SLFN12: variants seen among roughly 807,000 people sequenced by gnomAD.
SLFN12 encodes the protein schlafen family member 12.
SLFN12 carries 25 observed loss-of-function variants against 29.1 expected under a neutral mutation model. That is an observed-to-expected ratio of 0.86 (90% CI 0.63 to 1.20). SLFN12 has a LOEUF of 1.20. SLFN12 is among the 50% of genes most tolerant of loss of function. The probability of loss-of-function intolerance (pLI) is 0.00; values close to 1 mark genes in which losing one functional copy is unlikely to be tolerated. For synonymous variants in SLFN12, 257 were observed against 238.7 expected (o/e 1.08, Z -0.71); for missense variants, 660 against 666.2 (o/e 0.99, Z 0.10).
chr17:35,418,528 G>A (rs1233353980), intron 3 of SLFN12, among the ~76,000 whole-genome samples: 2 of 151,898 alleles, frequency 1.3e-5, no homozygotes, highest in African/African-American at 4.8e-5. Context: ...TTTATTGTAA[G>A]AATATAGTAT....
chr17:35,418,685 ACC>A (rs1491429377), intron 3 of SLFN12, among the ~76,000 whole-genome samples: 15,213 of 152,058 alleles, frequency 0.1, 2,396 homozygotes, highest in African/African-American at 0.34. Context: ...TTTCGACTGC[ACC>A]TTTTGTTCAA....
rs1263568094 is a variant in SLFN12, at chr17:35,422,205, T to C, written c.824A>G (p.His275Arg). The C allele has an allele frequency of 3.1e-6, 5 of 1,614,162 alleles. No individual in the cohort carries two copies. In the Middle Eastern group the frequency reaches 4.9e-4, roughly 160 times the overall value. ...TATCTTCTTCTTCTCCATACAGAAG[T>C]GATGCACAGGCATCTTCCTAATGGA... ...EKSIRKMPVHHFCMEKKKINY... is the reference protein window; with the variant it reads ...EKSIRKMPVHRFCMEKKKINY... The change falls in exon 2 of 4, where the codon CAC becomes CGC. Residue 275 changes from histidine (H) to arginine (R), a missense_variant. Physicochemically the swap from His to Arg is conservative, Grantham distance 29. Transcript: ENST00000304905.
At chr17:35,423,789 G>A (rs2142044578) in intron 1 of SLFN12, among the ~76,000 whole-genome samples, 1 of 152,226 alleles carries the variant, frequency 6.6e-6, no homozygotes, top group Admixed American at 6.5e-5. Context: ...GAAGTGATCA[G>A]GTTATGAGGG....
At chr17:35,413,003 T>C (rs924893271) in intron 3 of SLFN12, among the ~76,000 whole-genome samples, 1 of 149,318 alleles carries the variant, frequency 6.7e-6, no homozygotes, top group Non-Finnish European at 1.5e-5. Flanking sequence ...AGACAGAGCA[T>C]AGCAGAAAAC....
intron 3 of SLFN12, among the ~76,000 whole-genome samples, chr17:35,416,142 G>A (rs949911722): frequency 2.0e-5 from 3 of 151,916 alleles, no homozygotes; most frequent in Admixed American, 6.6e-5. Context: ...AAGAAAATGT[G>A]GTATATATAC....
At chr17:35,427,826 G>T (rs1401353821) in intron 1 of SLFN12, among the ~76,000 whole-genome samples, 2 of 151,928 alleles carry the variant, frequency 1.3e-5, no homozygotes, top group African/African-American at 2.4e-5. Context: ...TCAATGTTTG[G>T]GTATGCTAAT....
chr17:35,422,604 G>C lies in SLFN12; in HGVS notation c.425C>G (p.Ala142Gly). The change falls in exon 2 of 4, where the codon GCA (alanine) becomes GGA (glycine). Residue 142 changes from alanine (A) to glycine (G), a missense_variant. Coordinates refer to ENST00000304905, the MANE Select transcript of SLFN12 (RefSeq NM_018042.5). ...TSAKVMNATAALEFLKDMKKT... is the reference protein window; with the variant it reads ...TSAKVMNATAGLEFLKDMKKT... ...TTTCATGTCTTTGAGGAACTCCAGT[G>C]CAGCAGTGGCATTCATGACTTTTGC... The C allele has an allele frequency of 6.2e-7, 1 of 1,613,952 alleles. No individual in the cohort carries two copies. Among genetic ancestry groups the C allele is most frequent in the Non-Finnish European group, 8.5e-7 (1 of 1,179,976 alleles).
At chr17:35,426,577 A>G (rs1912032265) in intron 1 of SLFN12, among the ~76,000 whole-genome samples, 1 of 152,066 alleles carries the variant, frequency 6.6e-6, no homozygotes, top group Non-Finnish European at 1.5e-5. Flanking sequence ...TTCCTCAGAG[A>G]TGTGTTCTGC....
Position 35,411,110 on chromosome 17 carries a change from G to A in SLFN12, c.*228C>T, listed in dbSNP as rs1438475469. On this transcript the variant is annotated 3_prime_UTR_variant, in exon 4 of 4. Transcript: ENST00000304905. ...AATTTATTCAGGAACTACAGACAGA[G>A]TAAATAATACTGTGCACAGACGAGT... 1.9e-5 allele frequency: 6 copies of A among 324,054 alleles called. No individual in the cohort carries two copies. 20.1% of individuals were successfully genotyped at this position (324,054 alleles called of 1,614,324 possible). A position where few individuals can be genotyped will look rare whatever the true frequency, so the allele number is the denominator to read the frequency against.
chr17:35,412,747 G>A (rs1423592688), intron 3 of SLFN12, among the ~76,000 whole-genome samples: 6 of 151,942 alleles, frequency 3.9e-5, no homozygotes, highest in South Asian at 2.1e-4. Context: ...TAGAAAACAG[G>A]AGAAAAATCA....
chr17:35,421,298 G>C (rs1401377856), intron 2 of SLFN12, among the ~76,000 whole-genome samples: 2 of 151,370 alleles, frequency 1.3e-5, no homozygotes, highest in African/African-American at 4.8e-5. Flanking sequence ...GTAAGTAAAA[G>C]AGGCAAATGT....
chr17:35,422,881 C>T lies in SLFN12; in HGVS notation c.148G>A (p.Ala50Thr). 6.2e-7 allele frequency: 1 copy of T among 1,613,988 alleles called. No homozygotes were observed. Among genetic ancestry groups the T allele is most frequent in the South Asian group, 1.1e-5 (1 of 91,082 alleles). Reference sequence around the variant, plus strand: ...ACTCCCCCTCCAGAATTGAGCAGAGCACACATAGCTCGTGAGACACTTTCA... The same window carrying T: ...ACTCCCCCTCCAGAATTGAGCAGAGTACACATAGCTCGTGAGACACTTTCA... ...QNESVSRAMC[A>T]LLNSGGGVIK... The change falls in exon 2 of 4, where the codon GCT becomes ACT. Residue 50 changes from alanine (A) to threonine (T), a missense_variant. Physicochemically the swap from Ala to Thr is moderately conservative, Grantham distance 58 (BLOSUM62 0). Transcript: ENST00000304905.
rs1277265582 is a variant in SLFN12, at chr17:35,420,348, T to C, written c.1073A>G (p.Gln358Arg). The change falls in exon 3 of 4, where the codon CAA (glutamine) becomes CGA (arginine). Residue 358 changes from glutamine (Q) to arginine (R), a missense_variant. Transcript: ENST00000304905. ...FSSSYEEVIS[Q>R]INTSLPAPHS... ...GGGAGCAGGTAATGACGTATTTATT[T>C]GAGAGATCACCTCTTCATATGAACT... The C allele has an allele frequency of 6.2e-7, 1 of 1,613,794 alleles. No individual in the cohort carries two copies. Among genetic ancestry groups the C allele is most frequent in the South Asian group, 1.1e-5 (1 of 91,068 alleles).
chr17:35,417,553 G>C (rs531357150), intron 3 of SLFN12, among the ~76,000 whole-genome samples: 1 of 151,980 alleles, frequency 6.6e-6, no homozygotes, highest in South Asian at 2.1e-4. Context: ...AATTTAAATG[G>C]GAAAGCCATA....
intron 1 of SLFN12, among the ~76,000 whole-genome samples, chr17:35,424,159 CTTAAGTTTAACTTTTTT>C (rs971759185): frequency 1.1e-4 from 16 of 152,214 alleles, no homozygotes; most frequent in African/African-American, 3.6e-4. Context: ...AGAAGTGTAA[CTTAAGTTTAACTTTTTT>C]TTAAGTGTAA....
intron 1 of SLFN12, 103 bp downstream of exon 1, chr17:35,432,085 A>T (rs1912351989): frequency 6.6e-6 from 1 of 152,290 alleles, no homozygotes; most frequent in South Asian, 2.1e-4. Context: ...CTACCCACCA[A>T]GGATCCCACG....
At chr17:35,417,134 T>C (rs1282025728) in intron 3 of SLFN12, among the ~76,000 whole-genome samples, 1 of 152,082 alleles carries the variant, frequency 6.6e-6, no homozygotes, top group Non-Finnish European at 1.5e-5. Flanking sequence ...TTGTCACTCA[T>C]GGATTTAGAT....
Position 35,411,232 on chromosome 17 carries a change from T to C in SLFN12, c.*106A>G. On this transcript the variant is annotated 3_prime_UTR_variant, in exon 4 of 4. Transcript: ENST00000304905. ...CAAAACCCAATTATCCAACATCACA[T>C]TAAGTTGCTTAACTTGCAAAGTTTT... 1 of 808,788 alleles carries C rather than the reference T, an allele frequency of 1.2e-6. No individual in the cohort carries two copies. The highest frequency in any genetic ancestry group is 1.9e-6 in the Non-Finnish European group (1 of 525,016). 50.1% of individuals were successfully genotyped at this position (808,788 alleles called of 1,614,324 possible). A position where few individuals can be genotyped will look rare whatever the true frequency, so the allele number is the denominator to read the frequency against.
chr17:35,420,484 T>C (rs1213745324), intron 2 of SLFN12, 103 bp from the exon 3 acceptor site: 29 of 699,390 alleles, frequency 4.1e-5, no homozygotes, highest in Non-Finnish European at 6.3e-5. Flanking sequence ...CTGATTCTGT[T>C]TTCCAAAAAA....
Sources: allele counts gnomAD v4.1 joint callset (sites outside exome capture counted in the v4.1 genomes callset), GRCh38; gene constraint gnomAD v4.1.1; transcripts MANE v1.5; gene names NCBI Gene and HGNC (gene_info 2026-07-23, HGNC 2026-07-21).